The following DHTKD1 variants were observed in gnomAD, a reference collection of about 807,000 sequenced individuals.
DHTKD1 encodes dehydrogenase E1 and transketolase domain containing 1, also known as 2-oxoadipate dehydrogenase complex component E1.
DHTKD1 carries 78 observed loss-of-function variants against 101.8 expected under a neutral mutation model. The observed-to-expected ratio is 0.77, with a 90% CI of 0.64 to 0.93. The LOEUF (loss-of-function observed/expected upper bound fraction) is 0.93. Ranked by LOEUF, DHTKD1 falls within the 40% of genes least tolerant of loss-of-function variation. The pLI, the probability that DHTKD1 is intolerant of heterozygous loss-of-function variation, is 0.00. For missense variants in DHTKD1, 1,223 were observed against 1,161.7 expected (o/e 1.05, Z -0.77); for synonymous variants, 462 against 450.3 (o/e 1.03, Z -0.33).
At chr10:12,080,904 CAA>C (rs774032945) in intron 1 of DHTKD1, among the ~76,000 whole-genome samples, 3 of 139,248 alleles carry the variant, frequency 2.2e-5, no homozygotes, top group Non-Finnish European at 3.1e-5. Context: ...CCATCTCAAC[CAA>C]AAAAAAAAAA....
At chr10:12,096,481 G>A (rs1480132955) in intron 7 of DHTKD1, among the ~76,000 whole-genome samples, 2 of 152,084 alleles carry the variant, frequency 1.3e-5, no homozygotes, top group South Asian at 2.1e-4. Context: ...GACTTCCTGG[G>A]CTCAAGCGAT....
chr10:12,117,742 G>T lies in DHTKD1; in HGVS notation c.2389G>T (p.Val797Leu), dbSNP rs1166406087. ...TFNPVIGDSS[V>L]DPKKVKTLVF... ...TAACCCGGTCATTGGTGATTCATCT[G>T]TGGATCCAAAAAAGTAAGATATGTA... The change falls in exon 14 of 17, where the codon GTG becomes TTG. Residue 797 changes from valine (V) to leucine (L), a missense_variant. By Grantham distance (32) the Val-to-Leu change is conservative (BLOSUM62 1). Transcript: ENST00000263035. 6.3e-7 allele frequency: 1 copy of T among 1,594,952 alleles called. No individual in the cohort carries two copies. Among genetic ancestry groups the T allele is most frequent in the East Asian group, 2.3e-5 (1 of 44,212 alleles).
intron 1 of DHTKD1, among the ~76,000 whole-genome samples, chr10:12,069,899 A>G (rs1404724940): frequency 2.0e-5 from 3 of 151,902 alleles, no homozygotes; most frequent in African/African-American, 7.2e-5. Context: ...AGGTCTCCCA[A>G]GGATACATTT....
chr10:12,077,891 A>G (rs1216163110), intron 1 of DHTKD1, among the ~76,000 whole-genome samples: 1 of 151,780 alleles, frequency 6.6e-6, no homozygotes, highest in Non-Finnish European at 1.5e-5. Context: ...CAGAGAGGGA[A>G]GGGGTTGGAG....
At chr10:12,100,961 G>A (rs1216456682) in intron 9 of DHTKD1, 81 bp from the exon 10 acceptor site, 2 of 1,419,538 alleles carry the variant, frequency 1.4e-6, no homozygotes, top group African/African-American at 1.4e-5. Flanking sequence ...GATTAAGCCA[G>A]TATATAAGAA....
rs1588621911 is a variant in DHTKD1 at position 12,120,700 on chromosome 10, A to G, written c.2659-87A>G. On this transcript the variant is annotated intron_variant, in intron 16 of 16. Coordinates refer to ENST00000263035, the MANE Select transcript of DHTKD1 (RefSeq NM_018706.7). ...GTGATTTATGGTTAAACAAGCTAAGAGAAATACATGCACTGTCTTGTTGGA... is the reference window on the plus strand; with the variant it reads ...GTGATTTATGGTTAAACAAGCTAAGGGAAATACATGCACTGTCTTGTTGGA... 8 of 1,120,980 alleles carry G rather than the reference A, an allele frequency of 7.1e-6. No individual in the cohort carries two copies. In the South Asian group the frequency reaches 7.6e-5, roughly 11 times the overall value. The allele number at this position is 1,120,980 out of a possible 1,614,324, so 69.4% of individuals were successfully genotyped here.
chr10:12,095,682 G>C (rs994083112), intron 7 of DHTKD1, among the ~76,000 whole-genome samples: 4 of 151,526 alleles, frequency 2.6e-5, no homozygotes, highest in Non-Finnish European at 5.9e-5. Flanking sequence ...GCGTGGTGGC[G>C]GGCGCCTGTA....
chr10:12,073,026 G>A (rs564156845), intron 1 of DHTKD1, among the ~76,000 whole-genome samples: 3 of 147,994 alleles, frequency 2.0e-5, no homozygotes, highest in East Asian at 2.0e-4. Context: ...ATGAGCCACC[G>A]TGCCTGACCT....
rs1833304021 is a variant in DHTKD1, at chr10:12,110,038, C to T, written c.2154+2023C>T. On this transcript the variant is annotated intron_variant, in intron 12 of 16. Coordinates refer to ENST00000263035, the MANE Select transcript of DHTKD1 (RefSeq NM_018706.7). The surrounding 1 kb of genome is among the most constrained non-coding windows in gnomAD (Gnocchi z 4.9). Reference sequence around the variant, plus strand: ...TACAGGCTGGGCGTGGTGGCTCACTCCTGTAATCCCAGCACTTTGGGAGGC... The same window carrying T: ...TACAGGCTGGGCGTGGTGGCTCACTTCTGTAATCCCAGCACTTTGGGAGGC... Among the ~76,000 whole-genome samples, 1 of 150,964 alleles carries T rather than the reference C, an allele frequency of 6.6e-6. No individual in the cohort carries two copies. The highest frequency in any genetic ancestry group is 1.5e-5 in the Non-Finnish European group (1 of 67,762).
At position 12,089,096 on chromosome 10, in the gene DHTKD1, C is replaced by G. The variant is rs1314941411; in HGVS notation, c.828C>G (p.His276Gln). 6.2e-7 allele frequency: 1 copy of G among 1,614,198 alleles called. No individual in the cohort carries two copies. ...CTGTGGACCTGTACTTTGGGGCGCA[C>G]CATCCCCTCCATGTGACAATGTTGC... ...TSSVDLYFGA[H>Q]HPLHVTMLPN... The change falls in exon 5 of 17, where the codon CAC (histidine) becomes CAG (glutamine). Residue 276 changes from histidine (H) to glutamine (Q), a missense_variant. By Grantham distance (24) the His-to-Gln change is conservative. Coordinates refer to ENST00000263035, the MANE Select transcript of DHTKD1 (RefSeq NM_018706.7).
intron 10 of DHTKD1, among the ~76,000 whole-genome samples, chr10:12,104,948 C>G (rs1215799263): frequency 6.6e-6 from 1 of 151,518 alleles, no homozygotes; most frequent in Non-Finnish European, 1.5e-5. Context: ...AATCTCGGCT[C>G]AATGCAACCT....
At position 12,081,462 on chromosome 10, in the gene DHTKD1, C is replaced by G; in HGVS notation, c.155-10C>G. The G allele has an allele frequency of 6.2e-7, 1 of 1,613,334 alleles. No homozygotes were observed. The highest frequency in any genetic ancestry group is 8.5e-7 in the Non-Finnish European group (1 of 1,179,524). On this transcript the variant is annotated splice_polypyrimidine_tract_variant and intron_variant, in intron 1 of 16. Coordinates refer to ENST00000263035, the MANE Select transcript of DHTKD1 (RefSeq NM_018706.7). ...AACTGTTTGCATTTTTAAATTTTCCCCTGATTTAGTTGATCATGGCCTTGC... is the reference window on the plus strand; with the variant it reads ...AACTGTTTGCATTTTTAAATTTTCCGCTGATTTAGTTGATCATGGCCTTGC...
At chr10:12,085,071 A>G (rs182677650) in intron 3 of DHTKD1, among the ~76,000 whole-genome samples, 35 of 152,138 alleles carry the variant, frequency 2.3e-4, no homozygotes, top group Admixed American at 2.1e-3. Context: ...GGAGCATTTA[A>G]TAGCAAGGGC....
Position 12,100,248 on chromosome 10 carries a change from C to G in DHTKD1, c.1742C>G (p.Ser581Cys), listed in dbSNP as rs1348311643. 3.3e-6 allele frequency: 4 copies of G among 1,222,086 alleles called. No individual in the cohort carries two copies. The highest frequency in any genetic ancestry group is 4.4e-6 in the Non-Finnish European group (4 of 908,210). The allele number at this position is 1,222,086 out of a possible 1,614,324, so 75.7% of individuals were successfully genotyped here. Reference sequence around the variant, plus strand: ...ACCGCGGAAGCTCTTGCCTTGGGTTCTTTACTTGCTCAAGGTAAGAATTTT... The same window carrying G: ...ACCGCGGAAGCTCTTGCCTTGGGTTGTTTACTTGCTCAAGGTAAGAATTTT... ...WATAEALALG[S>C]LLAQGFNVRL... Residue 581 changes from serine to cysteine, a missense_variant, in exon 9 of 17, where the codon TCT (serine) becomes TGT (cysteine). Transcript: ENST00000263035.
chr10:12,082,874 TGCTG>T (rs1832843099), intron 2 of DHTKD1, among the ~76,000 whole-genome samples: 1 of 152,126 alleles, frequency 6.6e-6, no homozygotes, highest in Admixed American at 6.6e-5. Context: ...CGGTGGCTCA[TGCTG>T]GTAATCCCAG....
chr10:12,100,831 T>TA (rs1197127039), intron 9 of DHTKD1, among the ~76,000 whole-genome samples: 2 of 152,182 alleles, frequency 1.3e-5, no homozygotes, highest in African/African-American at 4.8e-5. Context: ...TAGTTTTCTC[T>TA]AAAAATTGCA....
rs141111299 is a variant in DHTKD1 at position 12,100,201 on chromosome 10, C to T, written c.1695C>T (p.Asp565=). 276 of 1,594,374 alleles carry T rather than the reference C, an allele frequency of 1.7e-4. 1 individual carries two copies. The East Asian group carries it at 4.9e-3, about 28-fold the overall frequency. The change falls in exon 9 of 17, where the codon GAC becomes GAT. Residue 565 remains aspartate, a synonymous_variant. Coordinates refer to ENST00000263035, the MANE Select transcript of DHTKD1 (RefSeq NM_018706.7). ...AGTCCAGAATGGAGAAGATGATGGA[C>T]GGAATCAAGCTAGACTGGGCCACCG... ...HVQSRMEKMM[D]GIKLDWATAE...
intron 2 of DHTKD1, among the ~76,000 whole-genome samples, chr10:12,083,126 C>G (rs1173357402): frequency 6.6e-6 from 1 of 151,914 alleles, no homozygotes; most frequent in Non-Finnish European, 1.5e-5. Context: ...CCACTGCACT[C>G]CAGCCTGGGC....
At chr10:12,118,226 A>T (rs1456739923) in intron 14 of DHTKD1, among the ~76,000 whole-genome samples, 4 of 151,548 alleles carry the variant, frequency 2.6e-5, no homozygotes, top group Non-Finnish European at 5.9e-5. Flanking sequence ...GTGGAGTATG[A>T]GTTAAGTGTG....
Sources: gnomAD v4.1 joint callset for allele counts (sites outside exome capture counted in the v4.1 genomes callset) on GRCh38, gnomAD v4.1.1 for gene constraint, Gnocchi (gnomAD v3.1) non-coding constraint, MANE v1.5 for transcripts, NCBI Gene and HGNC (gene_info 2026-07-23, HGNC 2026-07-21) for gene names.